CHRNE: variants seen among roughly 807,000 people sequenced by gnomAD.
CHRNE encodes the protein acetylcholine receptor subunit epsilon.
A neutral mutation model predicts 56.5 loss-of-function variants in CHRNE; 58 were observed. The observed-to-expected ratio is 1.03, with a 90% confidence interval of 0.83 to 1.28. The LOEUF (loss-of-function observed/expected upper bound fraction) is 1.28, where lower values mean the gene tolerates loss of function less well. Among genes scored for constraint, CHRNE ranks in the 50% most tolerant of loss-of-function variants. CHRNE has a pLI of 0.00. For missense variants in CHRNE, 793 were observed against 688.9 expected (o/e 1.15, Z -1.69); for synonymous variants, 385 against 297.9 (o/e 1.29, Z -3.01).
chr17:4,899,769 G>A (rs1174009766), intron 8 of CHRNE, 187 bp from the exon 9 acceptor site: 2 of 1,551,104 alleles, frequency 1.3e-6, no homozygotes, highest in Admixed American at 2.0e-5. Flanking sequence ...GGCCATGAAG[G>A]GGACCCCCAG....
At chr17:4,907,575 A>AC (rs1970107135), upstream of CHRNE, among the ~76,000 whole-genome samples, 1 of 150,686 alleles carries the variant, frequency 6.6e-6, no homozygotes, top group African/African-American at 2.4e-5. Context: ...TCAAAAAAAA[A>AC]AAAAAAAAAA....
chr17:4,906,609 C>A (rs1374011730), upstream of CHRNE, among the ~76,000 whole-genome samples: 1 of 151,996 alleles, frequency 6.6e-6, no homozygotes, highest in African/African-American at 2.4e-5. Flanking sequence ...TTGGTCATCA[C>A]TGGGAGGCTG....
At chr17:4,907,525 G>A (rs568612766), upstream of CHRNE, among the ~76,000 whole-genome samples, 93 of 131,138 alleles carry the variant, frequency 7.1e-4, no homozygotes, top group Non-Finnish European at 8.8e-4. Flanking sequence ...CCAAGATCAC[G>A]CCACTGCACT....
chr17:4,901,993 C>T lies in CHRNE; in HGVS notation c.439G>A (p.Val147Ile), dbSNP rs771950733. ...TWLPPAIYRS[V>I]CAVEVTYFPF... ...AAGTAGGTGACCTCCACTGCGCAGA[C>T]GCTGCGGTAGATGGCCGGAGGCAGC... The change falls in exon 5 of 12, where the codon GTC becomes ATC. Residue 147 changes from valine to isoleucine, a missense_variant. Physicochemically the swap from Val to Ile is conservative, Grantham distance 29. Coordinates refer to ENST00000649488, the MANE Select transcript of CHRNE (RefSeq NM_000080.4). 7.4e-6 allele frequency: 12 copies of T among 1,613,946 alleles called. No homozygotes were observed. Among genetic ancestry groups the T allele is most frequent in the East Asian group, 2.2e-5 (1 of 44,880 alleles).
At chr17:4,901,873 CGCCCCATAAGG>C in intron 5 of CHRNE, 48 bp downstream of exon 5, 14 of 1,476,082 alleles carry the variant, frequency 9.5e-6, no homozygotes, top group African/African-American at 2.8e-5. Flanking sequence ...CGGTTGGCCC[CGCCCCATAAGG>C]CCCCCCCCCA....
rs1416982507 is a variant in CHRNE, at chr17:4,898,225, G to A, written c.*511C>T. 1.0e-5 allele frequency: 2 copies of A among 199,616 alleles called. No homozygotes were observed. The highest frequency in any genetic ancestry group is 2.1e-5 in the Non-Finnish European group (2 of 95,102). The allele number at this position is 199,616 out of a possible 1,614,324, so 12.4% of individuals were successfully genotyped here. On this transcript the variant is annotated 3_prime_UTR_variant, in exon 12 of 12. Transcript: ENST00000649488. ...AAGAAAACCTAGAAGAAATGACTGT[G>A]GAAGGGTCAGGGCAGCCTCAGCCTT...
In CHRNE at chr17:4,899,314, G is replaced by A. The variant is rs371919434; in HGVS notation, c.1103C>T (p.Pro368Leu). ...GCCCACCGACGACGCCCGCCTTGGG[G>A]GCGAGGCGGCCCGGGGGGCCTCGGG... The part of the protein sequence containing the change: ...PPPEAPRAAS[P>L]PRRASSVGLL... Residue 368 changes from proline to leucine, a missense_variant, in exon 10 of 12, where the codon CCC (proline) becomes CTC (leucine). Transcript: ENST00000649488. 2.2e-5 allele frequency: 34 copies of A among 1,576,660 alleles called. No homozygotes were observed. The highest frequency in any genetic ancestry group is 5.3e-5 in the Admixed American group (3 of 56,240).
At position 4,899,199 on chromosome 17, in the gene CHRNE, C is replaced by G. The variant is rs751373916; in HGVS notation, c.1218G>C (p.Thr406=). 2.0e-5 allele frequency: 32 copies of G among 1,603,128 alleles called. No homozygotes were observed. Among genetic ancestry groups the G allele is most frequent in the Non-Finnish European group, 2.7e-5 (32 of 1,177,252 alleles). Residue 406 remains threonine (T), a splice_region_variant and synonymous_variant, in exon 10 of 12, where the codon ACG becomes ACC. Coordinates refer to ENST00000649488, the MANE Select transcript of CHRNE (RefSeq NM_000080.4). The part of the protein sequence containing the change: ...EGQRHRQGTW[T]AAFCQSLGAA... ...CCGGGCCAGGGCCACTGTGCTCACC[C>G]GTCCAGGTCCCCTGCCGGTGCCTCT...
In CHRNE at chr17:4,901,782, G is replaced by A. The variant is rs916941289; in HGVS notation, c.500+150C>T. 7 of 1,318,890 alleles carry A rather than the reference G, an allele frequency of 5.3e-6. No individual in the cohort carries two copies. The South Asian group carries it at 6.1e-5, about 11-fold the overall frequency. 81.7% of individuals were successfully genotyped at this position (1,318,890 alleles called of 1,614,324 possible). On this transcript the variant is annotated intron_variant, in intron 5 of 11. Coordinates refer to ENST00000649488, the MANE Select transcript of CHRNE (RefSeq NM_000080.4). Reference sequence around the variant, plus strand: ...CGCCTCTGTTCCCATCTGTACCTCCGGCCGCGCTGGAGCGTCCCACCCAGT... The same window carrying A: ...CGCCTCTGTTCCCATCTGTACCTCCAGCCGCGCTGGAGCGTCCCACCCAGT...
chr17:4,901,544 G>A lies in CHRNE; in HGVS notation c.582C>T (p.Ile194=). ...NDGKTINKID[I]DTEAYTENGE... is the part of the protein sequence containing the mutation. Reference sequence around the variant, plus strand: ...CTTCACCAGTATAGGCCTCTGTGTCGATGTCGATCTTGTTGATGGTCTTGC... The same window carrying A: ...CTTCACCAGTATAGGCCTCTGTGTCAATGTCGATCTTGTTGATGGTCTTGC... The change falls in exon 6 of 12, where the codon ATC becomes ATT. Residue 194 remains isoleucine (I), a synonymous_variant. Transcript: ENST00000649488. 6.2e-7 allele frequency: 1 copy of A among 1,614,110 alleles called. No individual in the cohort carries two copies. The highest frequency in any genetic ancestry group is 8.5e-7 in the Non-Finnish European group (1 of 1,179,978).
At chr17:4,904,703 A>C (rs1314387690), upstream of CHRNE, among the ~76,000 whole-genome samples, 2 of 152,160 alleles carry the variant, frequency 1.3e-5, no homozygotes, top group African/African-American at 4.8e-5. Context: ...GATCTCGCAC[A>C]CCTGTGTTTA....
rs79436576 is a variant in CHRNE at position 4,901,872 on chromosome 17, C to T, written c.500+60G>A. The T allele has an allele frequency of 0.056, 79,364 of 1,423,522 alleles. 3,875 individuals carry two copies. Among genetic ancestry groups the T allele is most frequent in the Non-Finnish European group, 0.057 (57,460 of 1,011,576 alleles). 88.2% of individuals were successfully genotyped at this position (1,423,522 alleles called of 1,614,324 possible). A position where few individuals can be genotyped will look rare whatever the true frequency, so the allele number is the denominator to read the frequency against. On this transcript the variant is annotated intron_variant, in intron 5 of 11. Transcript: ENST00000649488. ...CGAGGGCGGTGCTTCCCGGTTGGCC[C>T]CGCCCCATAAGGCCCCCCCCCAACA...
chr17:4,898,968 C>A, intron 11 of CHRNE, 33 bp downstream of exon 11: 2 of 1,273,538 alleles, frequency 1.6e-6, no homozygotes, highest in Non-Finnish European at 2.0e-6. Context: ...TGGGCCTCTG[C>A]CTCGCTCCAC....
upstream of CHRNE, among the ~76,000 whole-genome samples, chr17:4,907,515 C>G (rs1970105200): frequency 7.0e-6 from 1 of 142,574 alleles, no homozygotes; most frequent in African/African-American, 2.6e-5. Context: ...TTGCAGTGAG[C>G]CAAGATCACG....
At chr17:4,904,897 G>T (rs1309121660), upstream of CHRNE, among the ~76,000 whole-genome samples, 1 of 152,140 alleles carries the variant, frequency 6.6e-6, no homozygotes, top group Admixed American at 6.5e-5. Flanking sequence ...TCAACCCCAC[G>T]ATTTCCATTT....
intron 11 of CHRNE, 31 bp from the exon 12 acceptor site, chr17:4,898,922 G>A (rs552229479): frequency 2.6e-6 from 4 of 1,567,376 alleles, no homozygotes; most frequent in African/African-American, 2.7e-5. Flanking sequence ...TCAGTAAAGA[G>A]GCAGCTGCAG....
chr17:4,908,635 G>A (rs1970118854), intron 1 of CHRNE, among the ~76,000 whole-genome samples: 1 of 152,046 alleles, frequency 6.6e-6, no homozygotes, highest in South Asian at 2.1e-4. Flanking sequence ...TTTTCATAAT[G>A]AAAATTCCCC....
At chr17:4,903,223 T>TGAAG, upstream of CHRNE, 1 of 763,504 alleles carries the variant, frequency 1.3e-6, no homozygotes, top group South Asian at 1.5e-5. Context: ...ACATTTTGGC[T>TGAAG]GCTTCCAGAG....
chr17:4,907,580 A>C (rs59130598), upstream of CHRNE, among the ~76,000 whole-genome samples: 18,453 of 148,192 alleles, frequency 0.12, 1,823 homozygotes, highest in East Asian at 0.5. Context: ...AAAAAAAAAA[A>C]AAAAAAAAAA....
Sources: gnomAD v4.1 joint callset for allele counts (sites outside exome capture counted in the v4.1 genomes callset) on GRCh38, gnomAD v4.1.1 for gene constraint, MANE v1.5 for transcripts, NCBI Gene and HGNC (gene_info 2026-07-23, HGNC 2026-07-21) for gene names.